Variants in PCDHGA4 observed in about 807,000 individuals in gnomAD.
The protein encoded by PCDHGA4 is protocadherin gamma subfamily A, 4, also known as protocadherin gamma-A4.
In PCDHGA4, 38 loss-of-function variants were observed where a neutral mutation model predicts 54.6. That is an observed-to-expected ratio of 0.70 (90% CI 0.54 to 0.91). The LOEUF is 0.91. Among genes scored for constraint, PCDHGA4 ranks in the 40% least tolerant of loss-of-function variants. The pLI is 0.00. For synonymous variants in PCDHGA4, 511 were observed against 512.9 expected, an observed-to-expected ratio of 1.00 and a Z score of 0.05; for missense variants, 1,298 against 1,220.9, an observed-to-expected ratio of 1.06 and a Z score of -0.94.
intron 1 of PCDHGA4, chr5:141,392,725 A>G: frequency 7.1e-7 from 1 of 1,399,540 alleles, no homozygotes; most frequent in South Asian, 1.6e-5. Flanking sequence ...TTTCCGGAGG[A>G]TTGTCATCTC....
At chr5:141,454,311 T>G (rs755771201) in intron 1 of PCDHGA4, among the ~76,000 whole-genome samples, 6 of 152,216 alleles carry the variant, frequency 3.9e-5, no homozygotes, top group Admixed American at 2.6e-4. Context: ...TTTCAAAGCA[T>G]TGAAACCTCC....
chr5:141,436,406 G>T (rs1403133377), intron 1 of PCDHGA4, among the ~76,000 whole-genome samples: 3 of 152,308 alleles, frequency 2.0e-5, no homozygotes, highest in East Asian at 3.9e-4. Context: ...GTTGTTGAAT[G>T]AATGGATAAA....
At chr5:141,435,510 T>C (rs72790047) in intron 1 of PCDHGA4, among the ~76,000 whole-genome samples, 9,714 of 152,280 alleles carry the variant, frequency 0.064, 363 homozygotes, top group African/African-American at 0.099. Context: ...ATGATACTAA[T>C]GATGACTTTG....
intron 1 of PCDHGA4, among the ~76,000 whole-genome samples, chr5:141,438,591 C>CATACAT (rs1228520343): frequency 1.3e-5 from 1 of 75,562 alleles, no homozygotes; most frequent in Non-Finnish European, 2.7e-5. Flanking sequence ...TACATACATA[C>CATACAT]ATATATATAT....
intron 1 of PCDHGA4, chr5:141,423,749 TTGGGGGGGGGG>T: frequency 3.7e-6 from 1 of 272,202 alleles, no homozygotes; most frequent in Non-Finnish European, 4.7e-6. Context: ...TGAAAACTGT[TTGGGGGGGGGG>T]TGGGGCGGCA....
Position 141,491,415 on chromosome 5 carries a change from G to GGGT in PCDHGA4, c.2515-3389_2515-3387dup. 1 of 1,614,126 alleles carries GGGT rather than the reference G, an allele frequency of 6.2e-7. No individual in the cohort carries two copies. Among genetic ancestry groups the GGGT allele is most frequent in the Non-Finnish European group, 8.5e-7 (1 of 1,180,034 alleles). ...TTCAGGGAAACGCAGACGGGGACGG[G>GGGT]GGTGGAGGGCAGTGCTGCAGGCGCC... On this transcript the variant is annotated intron_variant, in intron 1 of 3. Transcript: ENST00000571252. The surrounding 1 kb of genome is among the most constrained non-coding windows in gnomAD (Gnocchi z 6.9).
chr5:141,418,670 G>T (rs767728571), intron 1 of PCDHGA4: 2 of 1,614,042 alleles, frequency 1.2e-6, no homozygotes, highest in Non-Finnish European at 1.7e-6. Context: ...TGACCAGGAC[G>T]AGGGCATCAA....
At chr5:141,385,424 C>T in intron 1 of PCDHGA4, 2 of 1,461,926 alleles carry the variant, frequency 1.4e-6, no homozygotes, top group Non-Finnish European at 1.8e-6. Context: ...ATTTAAAAAA[C>T]TTTATAGAGG....
In PCDHGA4 at chr5:141,386,024, TG is replaced by T. The variant is rs758923656; in HGVS notation, c.2514+28404del. The T allele has an allele frequency of 2.6e-5, 4 of 152,242 alleles. No homozygotes were observed. The East Asian group carries it at 5.8e-4, about 22-fold the overall frequency. 9.4% of individuals were successfully genotyped at this position (152,242 alleles called of 1,614,324 possible). On this transcript the variant is annotated intron_variant, in intron 1 of 3. Transcript: ENST00000571252. ...CATTTTAAGTGTTGTAATTGGCATTTGTGACATAGGCAATTACATGTTTTAA... is the reference window on the plus strand; with the variant it reads ...CATTTTAAGTGTTGTAATTGGCATTTTGACATAGGCAATTACATGTTTTAA...
Position 141,431,534 on chromosome 5 carries a change from A to G in PCDHGA4, c.2515-63273A>G, listed in dbSNP as rs1331176313. Reference sequence around the variant, plus strand: ...CGTTCCGGAGAATCTGGCCTTGGGCACGCAGCTGCTTGTAGTCAACGCTAC... The same window carrying G: ...CGTTCCGGAGAATCTGGCCTTGGGCGCGCAGCTGCTTGTAGTCAACGCTAC... On this transcript the variant is annotated intron_variant, in intron 1 of 3. Coordinates refer to ENST00000571252, the MANE Select transcript of PCDHGA4 (RefSeq NM_018917.4). This position sits in a 1 kb window ranked among gnomAD's most constrained non-coding sequence, Gnocchi z 4.8. The G allele has an allele frequency of 1.2e-6, 2 of 1,614,110 alleles. No individual in the cohort carries two copies. The highest frequency in any genetic ancestry group is 8.5e-7 in the Non-Finnish European group (1 of 1,180,042).
intron 1 of PCDHGA4, chr5:141,375,574 G>A: frequency 6.2e-7 from 1 of 1,614,058 alleles, no homozygotes; most frequent in African/African-American, 1.3e-5. Context: ...ACACCCTCCA[G>A]GGGGCGCCCC....
intron 1 of PCDHGA4, chr5:141,404,552 G>A: frequency 6.2e-7 from 1 of 1,613,826 alleles, no homozygotes; most frequent in Non-Finnish European, 8.5e-7. Context: ...GCAGGTGACG[G>A]CAAGTGACAG....
Position 141,510,946 on chromosome 5 carries a change from GA to G in PCDHGA4, c.2664del (p.Ala889LeufsTer17). The G allele has an allele frequency of 6.2e-7, 1 of 1,614,128 alleles. No homozygotes were observed. ...LQAMILASAS[E>X]AADGSSTLGG... ...CACCTGATCTTCCTCTGTCTCTGCA[GA>G]AGCTGCTGATGGGAGCTCCACCCTG... On this transcript the variant is annotated frameshift_variant and splice_region_variant, in exon 4 of 4. Coordinates refer to ENST00000571252, the MANE Select transcript of PCDHGA4 (RefSeq NM_018917.4). LOFTEE classifies it high-confidence loss of function.
At chr5:141,387,304 T>C (rs1186076797) in intron 1 of PCDHGA4, among the ~76,000 whole-genome samples, 3 of 152,208 alleles carry the variant, frequency 2.0e-5, no homozygotes, top group Non-Finnish European at 4.4e-5. Context: ...ATCCAGTATA[T>C]TTCTAATGAG....
intron 1 of PCDHGA4, among the ~76,000 whole-genome samples, chr5:141,454,538 C>G (rs1229435473): frequency 6.6e-6 from 1 of 152,110 alleles, no homozygotes; most frequent in African/African-American, 2.4e-5. Context: ...TCCCAAGTAG[C>G]TGAGATTACA....
At chr5:141,359,409 ATG>A (rs1178126719) in intron 1 of PCDHGA4, among the ~76,000 whole-genome samples, 1 of 152,002 alleles carries the variant, frequency 6.6e-6, no homozygotes, top group Non-Finnish European at 1.5e-5. Flanking sequence ...TTTTTAAAAA[ATG>A]TGTTTTTGTT....
At chr5:141,420,094 G>A in intron 1 of PCDHGA4, 7 of 1,614,058 alleles carry the variant, frequency 4.3e-6, no homozygotes, top group Non-Finnish European at 5.9e-6. Flanking sequence ...ACTACAGTGA[G>A]GGAACGTTGC....
At chr5:141,438,362 T>C (rs1471364176) in intron 1 of PCDHGA4, among the ~76,000 whole-genome samples, 1 of 151,850 alleles carries the variant, frequency 6.6e-6, no homozygotes, top group East Asian at 1.9e-4. Flanking sequence ...TGTATTGTCA[T>C]TGAGGGCAGA....
At chr5:141,389,724 C>A in intron 1 of PCDHGA4, 3 of 1,612,722 alleles carry the variant, frequency 1.9e-6, no homozygotes, top group African/African-American at 1.3e-5. Context: ...CGAGCCCGGG[C>A]TCTTCAGCCT....
Sources: gnomAD v4.1 joint callset for allele counts (sites outside exome capture counted in the v4.1 genomes callset) on GRCh38, gnomAD v4.1.1 for gene constraint, Gnocchi (gnomAD v3.1) non-coding constraint, MANE v1.5 for transcripts, NCBI Gene and HGNC (gene_info 2026-07-23, HGNC 2026-07-21) for gene names.